The following LNPEP variants were observed in gnomAD, a reference collection of about 807,000 sequenced individuals.
LNPEP encodes the protein leucyl and cystinyl aminopeptidase.
In LNPEP, 64 loss-of-function variants were observed where a neutral mutation model predicts 120.6. The ratio of observed to expected loss-of-function variants is 0.53; its 90% CI spans 0.43 to 0.65. The LOEUF (loss-of-function observed/expected upper bound fraction) is 0.65. Ranked by LOEUF, LNPEP falls within the 30% of genes least tolerant of loss-of-function variation. The probability of loss-of-function intolerance (pLI) is 0.00; values close to 1 mark genes in which losing one functional copy is unlikely to be tolerated. For synonymous variants in LNPEP, 435 were observed against 425.4 expected, an observed-to-expected ratio of 1.02 and a Z score of -0.28; for missense variants, 1,057 against 1,200.0, an observed-to-expected ratio of 0.88 and a Z score of 1.76.
intron 1 of LNPEP, among the ~76,000 whole-genome samples, chr5:96,949,117 C>G (rs1414200832): frequency 6.6e-6 from 1 of 152,190 alleles, no homozygotes; most frequent in African/African-American, 2.4e-5. Context: ...GATCCTAATT[C>G]TTTACTAAGG....
rs555212583 is a variant in LNPEP at position 96,945,262 on chromosome 5, TAGTC to T, written c.19+9091_19+9094del. On this transcript the variant is annotated intron_variant, in intron 1 of 17. Coordinates refer to ENST00000231368, the MANE Select transcript of LNPEP (RefSeq NM_005575.3). Reference sequence around the variant, plus strand: ...AAAATTAAAAATTAAAAAAAAAAATTAGTCAGGTGTGATGGTATGCACCTGTGGT... The same window carrying T: ...AAAATTAAAAATTAAAAAAAAAAATTAGGTGTGATGGTATGCACCTGTGGT... 8.2e-4 allele frequency among the ~76,000 whole-genome samples: 124 copies of T among 150,716 alleles called. 1 individual carries two copies. Among genetic ancestry groups the T allele is most frequent in the African/African-American group, 2.9e-3 (118 of 40,980 alleles).
Position 97,030,552 on chromosome 5 carries a change from G to A in LNPEP, c.*2019G>A, listed in dbSNP as rs1356076617. On this transcript the variant is annotated 3_prime_UTR_variant, in exon 18 of 18. Transcript: ENST00000231368. ...TCTTGACATCGCTCCTATAATGTAT[G>A]TTAGTTAACTCTGCATATGGCAAAT... 1 of 151,176 alleles carries A rather than the reference G, an allele frequency of 6.6e-6. No individual in the cohort carries two copies. Among genetic ancestry groups the A allele is most frequent in the African/African-American group, 2.4e-5 (1 of 41,042 alleles). 9.4% of individuals were successfully genotyped at this position (151,176 alleles called of 1,614,324 possible).
chr5:97,015,316 C>T (rs1351497203), intron 13 of LNPEP, among the ~76,000 whole-genome samples: 1 of 152,084 alleles, frequency 6.6e-6, no homozygotes, highest in Non-Finnish European at 1.5e-5. Context: ...AAAATACAGA[C>T]ATTTGACACC....
In LNPEP at chr5:97,033,773, G is replaced by A. The variant is rs1412717916; in HGVS notation, c.*5240G>A. 2 of 151,992 alleles carry A rather than the reference G, an allele frequency of 1.3e-5. No homozygotes were observed. The highest frequency in any genetic ancestry group is 2.4e-5 in the African/African-American group (1 of 41,362). The allele number at this position is 151,992 out of a possible 1,614,324, so 9.4% of individuals were successfully genotyped here. A position where few individuals can be genotyped will look rare whatever the true frequency, so the allele number is the denominator to read the frequency against. On this transcript the variant is annotated 3_prime_UTR_variant, in exon 18 of 18. Transcript: ENST00000231368. ...GGGGTATATACTTTTGTATATGTAT[G>A]TACATATTTTTATTTCTTTATTATA...
At chr5:96,983,061 A>G (rs925270801) in intron 2 of LNPEP, among the ~76,000 whole-genome samples, 13 of 152,210 alleles carry the variant, frequency 8.5e-5, no homozygotes, top group African/African-American at 2.7e-4. Context: ...TAATTTAACT[A>G]TTAAGGACGT....
intron 4 of LNPEP, among the ~76,000 whole-genome samples, chr5:96,988,615 T>A (rs979893823): frequency 3.3e-5 from 5 of 152,074 alleles, no homozygotes; most frequent in South Asian, 2.1e-4. Flanking sequence ...GGATCTTTTT[T>A]AAAAATTTTT....
chr5:96,977,384 G>A (rs1235077794), intron 1 of LNPEP, among the ~76,000 whole-genome samples: 2 of 151,948 alleles, frequency 1.3e-5, no homozygotes, highest in Non-Finnish European at 2.9e-5. Flanking sequence ...GGAGGATAGC[G>A]TGGAATAGCT....
intron 8 of LNPEP, among the ~76,000 whole-genome samples, chr5:96,999,779 ACTT>A (rs1790601905): frequency 6.6e-6 from 1 of 151,884 alleles, no homozygotes; most frequent in African/African-American, 2.4e-5. Flanking sequence ...CATGGTAACT[ACTT>A]GTTTCAGAAT....
intron 1 of LNPEP, among the ~76,000 whole-genome samples, chr5:96,969,481 C>T (rs1331241927): frequency 3.3e-5 from 5 of 152,104 alleles, no homozygotes; most frequent in African/African-American, 9.6e-5. Flanking sequence ...AGATGTAAGA[C>T]GGCTGGGCTT....
intron 4 of LNPEP, among the ~76,000 whole-genome samples, chr5:96,990,068 T>A (rs1242394612): frequency 6.6e-6 from 1 of 152,196 alleles, no homozygotes; most frequent in Non-Finnish European, 1.5e-5. Flanking sequence ...TCTAGATTAT[T>A]GAGGCAACTG....
rs1791349631 is a variant in LNPEP at position 97,026,712 on chromosome 5, T to C, written c.2819T>C (p.Leu940Pro). ...GGTCGACATTTTCCTGGACACTTAC[T>C]GGCATGGGATTTTGTCAAAGAGAAC... Reference protein sequence around the residue: ...TVGRHFPGHLLAWDFVKENWN... With the variant: ...TVGRHFPGHLPAWDFVKENWN... Residue 940 changes from leucine (L) to proline (P), a missense_variant, in exon 16 of 18, where the codon CTG becomes CCG. Coordinates refer to ENST00000231368, the MANE Select transcript of LNPEP (RefSeq NM_005575.3). The C allele has an allele frequency of 6.2e-7, 1 of 1,613,480 alleles. No homozygotes were observed. Among genetic ancestry groups the C allele is most frequent in the Non-Finnish European group, 8.5e-7 (1 of 1,179,420 alleles).
chr5:97,021,527 T>C (rs999431664), intron 13 of LNPEP, among the ~76,000 whole-genome samples: 11 of 152,234 alleles, frequency 7.2e-5, no homozygotes, highest in African/African-American at 2.7e-4. Context: ...AAACATTAAC[T>C]ATCAATAAAG....
At chr5:96,980,956 T>C (rs951279412) in intron 2 of LNPEP, among the ~76,000 whole-genome samples, 4 of 152,196 alleles carry the variant, frequency 2.6e-5, no homozygotes, top group Admixed American at 6.5e-5. Context: ...TGTAATACTT[T>C]TAAAATAAAT....
chr5:96,949,422 C>G (rs1789270682), intron 1 of LNPEP, among the ~76,000 whole-genome samples: 1 of 152,178 alleles, frequency 6.6e-6, no homozygotes, highest in South Asian at 2.1e-4. Context: ...AATCTAATGC[C>G]TGATGATCTG....
chr5:96,954,372 A>G (rs563362193), intron 1 of LNPEP, among the ~76,000 whole-genome samples: 1 of 152,088 alleles, frequency 6.6e-6, no homozygotes, highest in Non-Finnish European at 1.5e-5. Flanking sequence ...TTAGCCCTTC[A>G]CTCTGCTGAT....
At chr5:96,986,287 A>G (rs1362521035) in intron 3 of LNPEP, among the ~76,000 whole-genome samples, 1 of 152,030 alleles carries the variant, frequency 6.6e-6, no homozygotes, top group African/African-American at 2.4e-5. Context: ...TTAACTTAAC[A>G]TTTATTTGGT....
At chr5:96,988,900 A>G (rs1295714733) in intron 4 of LNPEP, among the ~76,000 whole-genome samples, 1 of 152,138 alleles carries the variant, frequency 6.6e-6, no homozygotes, top group Non-Finnish European at 1.5e-5. Flanking sequence ...GGTTTAAACC[A>G]TACTTCTGGC....
intron 1 of LNPEP, among the ~76,000 whole-genome samples, chr5:96,953,030 G>C (rs756431664): frequency 2.6e-5 from 4 of 152,126 alleles, no homozygotes; most frequent in Non-Finnish European, 5.9e-5. Context: ...CTCTTTTTCT[G>C]GGCTTTCTGG....
At chr5:96,973,766 C>G (rs1025877069) in intron 1 of LNPEP, among the ~76,000 whole-genome samples, 1 of 152,140 alleles carries the variant, frequency 6.6e-6, no homozygotes, top group African/African-American at 2.4e-5. Context: ...ATTACATTTT[C>G]TCAGAAAATG....
Sources: allele counts gnomAD v4.1 joint callset (sites outside exome capture counted in the v4.1 genomes callset), GRCh38; gene constraint gnomAD v4.1.1; transcripts MANE v1.5; gene names NCBI Gene and HGNC (gene_info 2026-07-23, HGNC 2026-07-21).